Variants in TCTN2 observed in about 807,000 individuals in gnomAD.
TCTN2 encodes tectonic-2.
In TCTN2, 66 loss-of-function variants were observed where a neutral mutation model predicts 83.4. That is an observed-to-expected ratio of 0.79 (90% CI 0.65 to 0.97). TCTN2 has a LOEUF of 0.97. Among genes scored for constraint, TCTN2 ranks in the 50% least tolerant of loss-of-function variants. The pLI, the probability that TCTN2 is intolerant of heterozygous loss-of-function variation, is 0.00. For synonymous variants in TCTN2, 301 were observed against 326.7 expected (o/e 0.92, Z 0.85); for missense variants, 794 against 858.1 (o/e 0.93, Z 0.93).
At chr12:123,695,080 TTTC>T in intron 10 of TCTN2, 104 bp downstream of exon 10, 1 of 1,505,962 alleles carries the variant, frequency 6.6e-7, no homozygotes, top group South Asian at 1.2e-5. Context: ...GTTGGACTTG[TTTC>T]TTATGTGCAT....
intron 15 of TCTN2, among the ~76,000 whole-genome samples, chr12:123,706,052 G>A (rs750879749): frequency 5.9e-5 from 9 of 152,044 alleles, no homozygotes; most frequent in African/African-American, 1.2e-4. Context: ...CACCGTGCCC[G>A]GCCCCTCCTC....
chr12:123,697,705 T>G (rs1226224114), intron 13 of TCTN2, among the ~76,000 whole-genome samples: 1 of 152,012 alleles, frequency 6.6e-6, no homozygotes, highest in Admixed American at 6.6e-5. Context: ...TTTCACAATG[T>G]TGGTCTCAAA....
At chr12:123,682,371 CTG>C (rs1344266744) in intron 5 of TCTN2, among the ~76,000 whole-genome samples, 3 of 152,196 alleles carry the variant, frequency 2.0e-5, no homozygotes, top group African/African-American at 7.2e-5. Context: ...GGAGAAATGT[CTG>C]TTTATACCCT....
intron 14 of TCTN2, 114 bp from the exon 15 acceptor site, chr12:123,704,418 A>ATAGT: frequency 4.6e-6 from 5 of 1,097,330 alleles, no homozygotes; most frequent in Non-Finnish European, 6.7e-6. Flanking sequence ...AAGAGACTAA[A>ATAGT]GCCTCATTAA....
chr12:123,707,770 G>T lies in TCTN2; in HGVS notation c.*57G>T. 1 of 1,375,752 alleles carries T rather than the reference G, an allele frequency of 7.3e-7. No homozygotes were observed. The highest frequency in any genetic ancestry group is 1.0e-6 in the Non-Finnish European group (1 of 965,124). 85.2% of individuals were successfully genotyped at this position (1,375,752 alleles called of 1,614,324 possible). A position where few individuals can be genotyped will look rare whatever the true frequency, so the allele number is the denominator to read the frequency against. On this transcript the variant is annotated 3_prime_UTR_variant, in exon 18 of 18. Coordinates refer to ENST00000303372, the MANE Select transcript of TCTN2 (RefSeq NM_024809.5). ...GAGTTTTGCTCTTGTTGCCCAGGCT[G>T]AAGTGATCTCGGCTCACCACAACCT...
intron 5 of TCTN2, among the ~76,000 whole-genome samples, chr12:123,681,338 A>G (rs1362269389): frequency 1.3e-5 from 2 of 152,090 alleles, no homozygotes; most frequent in Non-Finnish European, 2.9e-5. Context: ...CATCACCACA[A>G]TCTATCTTCA....
intron 15 of TCTN2, 28 bp from the exon 16 acceptor site, chr12:123,706,698 T>C: frequency 1.9e-6 from 3 of 1,613,880 alleles, no homozygotes; most frequent in Non-Finnish European, 2.5e-6. Flanking sequence ...ATGGTGGCTA[T>C]GCTGACCATG....
In TCTN2 at chr12:123,671,201, G is replaced by A. The variant is rs1359580957; in HGVS notation, c.-40G>A. On this transcript the variant is annotated 5_prime_UTR_variant, in exon 1 of 18. Transcript: ENST00000303372. ...CTGAGTCCTTCCTGGGTTCTAATGA[G>A]GGCGCGGTTCTGCTGTGCCCGGCCC... 1.1e-5 allele frequency: 18 copies of A among 1,581,358 alleles called. No individual in the cohort carries two copies. Among genetic ancestry groups the A allele is most frequent in the Non-Finnish European group, 1.6e-5 (18 of 1,159,726 alleles).
chr12:123,679,832 C>T (rs1165246530), intron 5 of TCTN2, among the ~76,000 whole-genome samples: 7 of 150,354 alleles, frequency 4.7e-5, no homozygotes, highest in Middle Eastern at 3.4e-3. Flanking sequence ...CTCCGCCTCC[C>T]GGGTTCATGC....
In TCTN2 at chr12:123,688,050, G is replaced by C. The variant is rs1191280597; in HGVS notation, c.765-1G>C. On this transcript the variant is annotated splice_acceptor_variant, in intron 6 of 17. Transcript: ENST00000303372. LOFTEE classifies it high-confidence loss of function. The stretch of plus-strand genomic sequence containing the variant: ...ATTCAGCCTTTCTTATTGATTTTCA[G>C]TTCCCCCAAACAGGACTCTTCCTTT... 1.1e-5 allele frequency: 17 copies of C among 1,613,868 alleles called. No homozygotes were observed. The highest frequency in any genetic ancestry group is 1.4e-5 in the Non-Finnish European group (17 of 1,179,888).
In TCTN2 at chr12:123,688,072, C is replaced by T; in HGVS notation, c.786C>T (p.Ser262=). 1 of 1,614,106 alleles carries T rather than the reference C, an allele frequency of 6.2e-7. No homozygotes were observed. Among genetic ancestry groups the T allele is most frequent in the Non-Finnish European group, 8.5e-7 (1 of 1,179,998 alleles). ...TCAGTTCCCCCAAACAGGACTCTTCCTTTGAAGTATATGTGGATACTGACG... is the reference window on the plus strand; with the variant it reads ...TCAGTTCCCCCAAACAGGACTCTTCTTTTGAAGTATATGTGGATACTGACG... The part of the protein sequence containing the change: ...HGAVSPKQDS[S]FEVYVDTDAK... Residue 262 remains serine, a synonymous_variant, in exon 7 of 18, where the codon TCC becomes TCT. Coordinates refer to ENST00000303372, the MANE Select transcript of TCTN2 (RefSeq NM_024809.5).
intron 4 of TCTN2, among the ~76,000 whole-genome samples, 179 bp from the exon 5 acceptor site, chr12:123,679,010 A>C (rs1237282927): frequency 1.3e-5 from 2 of 151,790 alleles, no homozygotes; most frequent in African/African-American, 4.8e-5. Context: ...TGTTAGCCAG[A>C]ATGGTCTCGA....
At chr12:123,690,910 G>T (rs1458336559) in intron 8 of TCTN2, among the ~76,000 whole-genome samples, 1 of 152,024 alleles carries the variant, frequency 6.6e-6, no homozygotes, top group Non-Finnish European at 1.5e-5. Flanking sequence ...TCTCCGTCAC[G>T]CAGGTTGGAG....
chr12:123,673,867 A>T, intron 4 of TCTN2, 57 bp downstream of exon 4: 1 of 1,556,254 alleles, frequency 6.4e-7, no homozygotes, highest in Non-Finnish European at 8.9e-7. Context: ...ACTTAGGAGG[A>T]AGAGGTAGGA....
At chr12:123,672,195 G>C in intron 3 of TCTN2, 63 bp downstream of exon 3, 2 of 1,372,122 alleles carry the variant, frequency 1.5e-6, no homozygotes, top group South Asian at 2.3e-5. Flanking sequence ...GGTTTCTGCA[G>C]TGCTCTCTTT....
intron 5 of TCTN2, among the ~76,000 whole-genome samples, chr12:123,685,690 A>G (rs939592176): frequency 1.4e-5 from 2 of 141,608 alleles, no homozygotes; most frequent in Non-Finnish European, 3.1e-5. Flanking sequence ...AAGTGCTGGG[A>G]TTACAGGTGT....
At chr12:123,685,558 A>C (rs540195098) in intron 5 of TCTN2, among the ~76,000 whole-genome samples, 1 of 151,860 alleles carries the variant, frequency 6.6e-6, no homozygotes, top group Non-Finnish European at 1.5e-5. Flanking sequence ...AGCTGGGATT[A>C]TAGGTGTGTG....
intron 11 of TCTN2, 112 bp downstream of exon 11, chr12:123,695,409 C>T: frequency 1.3e-6 from 1 of 794,576 alleles, no homozygotes. Context: ...TGACTCTGAC[C>T]TTTTTCTTTA....
chr12:123,688,143 T>G lies in TCTN2; in HGVS notation c.857T>G (p.Met286Arg). The G allele has an allele frequency of 6.2e-7, 1 of 1,613,930 alleles. No individual in the cohort carries two copies. The highest frequency in any genetic ancestry group is 2.2e-5 in the East Asian group (1 of 44,880). ...DFGYKQGDPI[M>R]TVKKAYFTIP... The stretch of plus-strand genomic sequence containing the variant: ...GGTTACAAACAAGGAGATCCCATTA[T>G]GACTGTAAAGAAGGCATATTTTACT... Residue 286 changes from methionine to arginine, a missense_variant, in exon 7 of 18, where the codon ATG becomes AGG. Met to Arg is a moderately conservative substitution (Grantham distance 91, BLOSUM62 -1). Transcript: ENST00000303372.
Sources: allele counts gnomAD v4.1 joint callset (sites outside exome capture counted in the v4.1 genomes callset), GRCh38; gene constraint gnomAD v4.1.1; transcripts MANE v1.5; gene names NCBI Gene and HGNC (gene_info 2026-07-23, HGNC 2026-07-21).